Variants in AFF3 observed in about 807,000 individuals in gnomAD.
The protein encoded by AFF3 is AF4/FMR2 family member 3.
AFF3 carries 32 observed loss-of-function variants against 129.7 expected under a neutral mutation model. That is an observed-to-expected ratio of 0.25 (90% CI 0.19 to 0.33). The LOEUF is 0.33. Ranked by LOEUF, AFF3 falls within the 10% of genes least tolerant of loss-of-function variation. The pLI is 1.00. For synonymous variants in AFF3, 644 were observed against 635.4 expected, an observed-to-expected ratio of 1.01 and a Z score of -0.20; for missense variants, 1,373 against 1,592.0, an observed-to-expected ratio of 0.86 and a Z score of 2.34.
chr2:99,943,943 C>A (rs1434692677), intron 7 of AFF3, among the ~76,000 whole-genome samples: 1 of 151,764 alleles, frequency 6.6e-6, no homozygotes, highest in African/African-American at 2.4e-5. Flanking sequence ...CAGGGTTTTG[C>A]CCAGGCTGGA....
At chr2:99,883,847 G>A (rs1315639738) in intron 7 of AFF3, among the ~76,000 whole-genome samples, 1 of 152,204 alleles carries the variant, frequency 6.6e-6, no homozygotes, top group Non-Finnish European at 1.5e-5. Context: ...AAGAAAGGAA[G>A]CATTATCGTG....
chr2:99,597,985 G>A (rs1030166097), intron 14 of AFF3, among the ~76,000 whole-genome samples: 1 of 152,166 alleles, frequency 6.6e-6, no homozygotes, highest in Admixed American at 6.5e-5. Flanking sequence ...TTGAGTCAGC[G>A]AGCAACTTGA....
At chr2:99,670,294 G>C (rs1558726108) in intron 12 of AFF3, among the ~76,000 whole-genome samples, 1 of 152,192 alleles carries the variant, frequency 6.6e-6, no homozygotes, top group African/African-American at 2.4e-5. Flanking sequence ...ATAGCAACTT[G>C]AAGCTCTTGT....
rs1468680995 is a variant in AFF3 at position 99,785,563 on chromosome 2, CA to C, written c.922-33263del. On this transcript the variant is annotated intron_variant, in intron 8 of 24. Transcript: ENST00000672756. ...TTCTACATGAACAATAAAAGGGGGA[CA>C]TTTTTATTTCCCCTTAGATTTCTTT... Among the ~76,000 whole-genome samples, 3 of 152,210 alleles carry C rather than the reference CA, an allele frequency of 2.0e-5. No homozygotes were observed. The East Asian group carries it at 5.8e-4, about 29-fold the overall frequency.
chr2:99,681,276 T>C (rs184254579), intron 11 of AFF3, among the ~76,000 whole-genome samples: 5 of 152,288 alleles, frequency 3.3e-5, no homozygotes, highest in African/African-American at 9.6e-5. Context: ...ATAGTTGAGA[T>C]TCAAATGAGA....
intron 8 of AFF3, among the ~76,000 whole-genome samples, chr2:99,776,033 C>T (rs1056946953): frequency 3.9e-5 from 6 of 151,972 alleles, no homozygotes; most frequent in East Asian, 1.9e-4. Flanking sequence ...TACAGTAGAA[C>T]GATAAAATAA....
In AFF3 at chr2:99,622,454, A is replaced by G. The variant is rs1682115337; in HGVS notation, c.1185-20833T>C. On this transcript the variant is annotated intron_variant, in intron 13 of 24. Coordinates refer to ENST00000672756, the MANE Select transcript of AFF3 (RefSeq NM_001386135.1). Reference sequence around the variant, plus strand: ...TGGGCAGGCTGAGCAAAGAGAGAGAAGGCAGAGAGGGAGTGGTAAGAAAAA... The same window carrying G: ...TGGGCAGGCTGAGCAAAGAGAGAGAGGGCAGAGAGGGAGTGGTAAGAAAAA... Among the ~76,000 whole-genome samples, 4 of 152,346 alleles carry G rather than the reference A, an allele frequency of 2.6e-5. No individual in the cohort carries two copies. The South Asian group carries it at 6.2e-4, about 24-fold the overall frequency.
At chr2:99,683,941 A>T (rs986323288) in intron 11 of AFF3, among the ~76,000 whole-genome samples, 3 of 151,922 alleles carry the variant, frequency 2.0e-5, no homozygotes, top group Admixed American at 6.5e-5. Context: ...CGGCCCTTTT[A>T]TTTTTCCTTG....
At chr2:99,609,661 T>C (rs1312819247) in intron 13 of AFF3, among the ~76,000 whole-genome samples, 2 of 152,182 alleles carry the variant, frequency 1.3e-5, no homozygotes, top group African/African-American at 4.8e-5. Context: ...ATTTAAAAAA[T>C]TCTATTTTGA....
intron 7 of AFF3, among the ~76,000 whole-genome samples, chr2:99,946,795 C>G (rs893351333): frequency 5.7e-4 from 86 of 152,194 alleles, no homozygotes; most frequent in Admixed American, 2.0e-4. Context: ...ACTTAACCTA[C>G]TTAGGAGACT....
At chr2:99,841,558 G>A (rs931498768) in intron 7 of AFF3, among the ~76,000 whole-genome samples, 11 of 152,218 alleles carry the variant, frequency 7.2e-5, no homozygotes, top group African/African-American at 2.7e-4. Context: ...AGAACACTGA[G>A]AAATGTTCTG....
Position 99,844,575 on chromosome 2 carries a change from T to A in AFF3, c.874-7051A>T, listed in dbSNP as rs561963626. Among the ~76,000 whole-genome samples the A allele has an allele frequency of 3.3e-5, 5 of 150,924 alleles. No individual in the cohort carries two copies. The South Asian group carries it at 1.1e-3, about 32-fold the overall frequency. On this transcript the variant is annotated intron_variant, in intron 7 of 24. Transcript: ENST00000672756. ...GCCTCAGCCTCCTGAGCAGTTGGGA[T>A]TACAGGCATGCACCACCACACCCTA...
chr2:99,623,782 C>A (rs991422519), intron 13 of AFF3, among the ~76,000 whole-genome samples: 5 of 152,286 alleles, frequency 3.3e-5, no homozygotes, highest in Non-Finnish European at 7.3e-5. Context: ...TGCACCCATG[C>A]CCTCCTGGGG....
intron 8 of AFF3, among the ~76,000 whole-genome samples, chr2:99,794,127 C>A (rs1466809990): frequency 6.6e-6 from 1 of 152,136 alleles, no homozygotes; most frequent in Non-Finnish European, 1.5e-5. Flanking sequence ...TTCTGTATTT[C>A]AGTCCTTCTA....
intron 7 of AFF3, among the ~76,000 whole-genome samples, chr2:100,002,137 T>C (rs964573927): frequency 6.6e-6 from 1 of 152,244 alleles, no homozygotes; most frequent in South Asian, 2.1e-4. Context: ...AGCAATCAGA[T>C]AGCAAACTTC....
chr2:100,011,624 C>G (rs1377215902), intron 4 of AFF3: 2 of 778,840 alleles, frequency 2.6e-6, no homozygotes, highest in Admixed American at 3.4e-5. Flanking sequence ...ACCTGATTAG[C>G]CTTGAGTATC....
chr2:99,630,322 T>C (rs1467167957), intron 13 of AFF3, among the ~76,000 whole-genome samples: 1 of 152,132 alleles, frequency 6.6e-6, no homozygotes, highest in East Asian at 1.9e-4. Context: ...AAAACATCAG[T>C]CTACAATAGC....
intron 4 of AFF3, among the ~76,000 whole-genome samples, chr2:100,017,675 C>T (rs183624340): frequency 6.6e-6 from 1 of 152,354 alleles, no homozygotes; most frequent in East Asian, 1.9e-4. Flanking sequence ...GTAACAACTA[C>T]TCTACATGGA....
chr2:100,096,498 C>T (rs1253273129), intron 4 of AFF3, among the ~76,000 whole-genome samples: 1 of 151,858 alleles, frequency 6.6e-6, no homozygotes, highest in East Asian at 1.9e-4. Flanking sequence ...AAGGTGTCCC[C>T]AAAACAGGGA....
Sources: allele counts gnomAD v4.1 joint callset (sites outside exome capture counted in the v4.1 genomes callset), GRCh38; gene constraint gnomAD v4.1.1; transcripts MANE v1.5; gene names NCBI Gene and HGNC (gene_info 2026-07-23, HGNC 2026-07-21).